STPG2: variants seen among roughly 807,000 people sequenced by gnomAD.
STPG2 encodes the protein sperm tail PG-rich repeat containing 2.
STPG2 carries 56 observed loss-of-function variants against 54.2 expected under a neutral mutation model. That is an observed-to-expected ratio of 1.03 (90% confidence interval 0.83 to 1.29). The LOEUF is 1.29. Among genes scored for constraint, STPG2 ranks in the 50% most tolerant of loss-of-function variants. The pLI is 0.00. For missense variants in STPG2, 596 were observed against 544.9 expected (o/e 1.09, Z -0.93); for synonymous variants, 200 against 181.8 (o/e 1.10, Z -0.81).
intron 10 of STPG2, among the ~76,000 whole-genome samples, chr4:97,589,223 G>A (rs1733075113): frequency 6.6e-6 from 1 of 151,486 alleles, no homozygotes; most frequent in Admixed American, 6.6e-5. Flanking sequence ...AAGTTTATTT[G>A]CTGAATAAAA....
chr4:97,743,711 A>T (rs1215655785), intron 9 of STPG2, among the ~76,000 whole-genome samples: 1 of 151,720 alleles, frequency 6.6e-6, no homozygotes, highest in Admixed American at 6.6e-5. Context: ...TAGAAATGAG[A>T]CAAATGCACA....
intron 7 of STPG2, among the ~76,000 whole-genome samples, chr4:97,956,847 T>G (rs1217960437): frequency 6.6e-6 from 1 of 152,096 alleles, no homozygotes; most frequent in Non-Finnish European, 1.5e-5. Context: ...TCCTACACCT[T>G]TCCTCTGACA....
At chr4:97,928,129 T>C (rs1004544362) in intron 8 of STPG2, among the ~76,000 whole-genome samples, 1 of 152,180 alleles carries the variant, frequency 6.6e-6, no homozygotes, top group Admixed American at 6.5e-5. Flanking sequence ...AGTGTATTAA[T>C]GAATTTTCTT....
At chr4:98,043,030 A>G (rs971688655) in intron 5 of STPG2, among the ~76,000 whole-genome samples, 1 of 152,070 alleles carries the variant, frequency 6.6e-6, no homozygotes, top group Non-Finnish European at 1.5e-5. Context: ...TTGGGTGCAT[A>G]TATTACAATG....
chr4:97,457,691 C>CA (rs1343013217), intron 4 of STPG2, among the ~76,000 whole-genome samples: 2 of 152,086 alleles, frequency 1.3e-5, no homozygotes, highest in African/African-American at 2.4e-5. Flanking sequence ...CAGTTTGCAA[C>CA]AAAAAATAAA....
At chr4:97,934,480 T>C (rs1451993904) in intron 8 of STPG2, among the ~76,000 whole-genome samples, 1 of 152,214 alleles carries the variant, frequency 6.6e-6, no homozygotes, top group Admixed American at 6.5e-5. Context: ...CCACTCAGTA[T>C]GATATTAGCT....
At chr4:97,840,230 A>G (rs1261898244) in intron 9 of STPG2, among the ~76,000 whole-genome samples, 2 of 151,662 alleles carry the variant, frequency 1.3e-5, no homozygotes, top group East Asian at 3.9e-4. Flanking sequence ...TATATGACTG[A>G]TTTTCCAAAT....
intron 10 of STPG2, among the ~76,000 whole-genome samples, chr4:97,709,983 C>A (rs1028315557): frequency 1.3e-5 from 2 of 151,830 alleles, no homozygotes. Flanking sequence ...GTGCCAGATT[C>A]TGTGGGTGGA....
At chr4:98,026,992 C>T (rs935154624) in intron 5 of STPG2, among the ~76,000 whole-genome samples, 1 of 152,140 alleles carries the variant, frequency 6.6e-6, no homozygotes, top group East Asian at 1.9e-4. Context: ...TTATCAGATA[C>T]ACAAGGAACA....
chr4:97,444,323 G>C (rs939699553), intron 4 of STPG2, among the ~76,000 whole-genome samples: 1 of 152,114 alleles, frequency 6.6e-6, no homozygotes, highest in African/African-American at 2.4e-5. Flanking sequence ...AAGGAGAATT[G>C]GGGCAGAAGG....
intron 9 of STPG2, among the ~76,000 whole-genome samples, chr4:97,738,637 G>T (rs1455612507): frequency 6.6e-6 from 1 of 152,066 alleles, no homozygotes; most frequent in Non-Finnish European, 1.5e-5. Context: ...AATGGTAAAG[G>T]GATCAATTCA....
At chr4:97,938,741 G>A (rs1199223081) in intron 8 of STPG2, among the ~76,000 whole-genome samples, 6 of 152,040 alleles carry the variant, frequency 3.9e-5, no homozygotes, top group African/African-American at 1.4e-4. Context: ...CAGGTGGGCC[G>A]ACACACCACC....
At chr4:97,939,285 T>C (rs1732885844) in intron 8 of STPG2, among the ~76,000 whole-genome samples, 1 of 150,288 alleles carries the variant, frequency 6.7e-6, no homozygotes, top group Non-Finnish European at 1.5e-5. Context: ...GTATATATTC[T>C]CTTGTTTGGG....
Position 97,712,816 on chromosome 4 carries a change from T to C in STPG2, c.1205-2A>G. ...AAACAGGATTGTATGCTGCAGGACC[T>C]GAGAGACAACAAATGTAAAAATTAT... is the stretch of plus-strand genomic sequence containing the variant. On this transcript the variant is annotated splice_acceptor_variant, in intron 9 of 10. Coordinates refer to ENST00000295268, the MANE Select transcript of STPG2 (RefSeq NM_174952.3). LOFTEE classifies it high-confidence loss of function. The C allele has an allele frequency of 6.4e-7, 1 of 1,557,840 alleles. No homozygotes were observed. Among genetic ancestry groups the C allele is most frequent in the Non-Finnish European group, 8.7e-7 (1 of 1,148,688 alleles).
At chr4:97,694,399 T>C (rs1031927581) in intron 10 of STPG2, among the ~76,000 whole-genome samples, 2 of 151,428 alleles carry the variant, frequency 1.3e-5, no homozygotes, top group African/African-American at 4.9e-5. Context: ...TTTACATGCA[T>C]AAAGAGGAGA....
intron 10 of STPG2, among the ~76,000 whole-genome samples, chr4:97,710,801 T>C (rs1257439094): frequency 1.3e-5 from 2 of 152,020 alleles, no homozygotes; most frequent in Non-Finnish European, 2.9e-5. Flanking sequence ...AAAAAGGTTT[T>C]TAATTATTCA....
chr4:97,622,580 A>C (rs1466505127), intron 10 of STPG2, among the ~76,000 whole-genome samples: 2 of 152,188 alleles, frequency 1.3e-5, no homozygotes, highest in Non-Finnish European at 2.9e-5. Context: ...GATCAGTACA[A>C]CAAGAATTAC....
At chr4:97,714,500 T>C (rs563627319) in intron 9 of STPG2, among the ~76,000 whole-genome samples, 21 of 152,228 alleles carry the variant, frequency 1.4e-4, no homozygotes, top group African/African-American at 5.1e-4. Context: ...AATTAAGATA[T>C]AGCTATCTAA....
intron 7 of STPG2, among the ~76,000 whole-genome samples, chr4:97,948,201 T>A (rs1733324385): frequency 6.6e-6 from 1 of 152,020 alleles, no homozygotes; most frequent in Non-Finnish European, 1.5e-5. Flanking sequence ...ATAGTTTGTG[T>A]TTCTAGTTTG....
Sources: allele counts gnomAD v4.1 joint callset (sites outside exome capture counted in the v4.1 genomes callset), GRCh38; gene constraint gnomAD v4.1.1; transcripts MANE v1.5; gene names NCBI Gene and HGNC (gene_info 2026-07-23, HGNC 2026-07-21).